APP: variants seen among roughly 807,000 people sequenced by gnomAD.
The protein encoded by APP is amyloid beta precursor protein, also known as amyloid-beta precursor protein.
Under a neutral mutation model 101.4 loss-of-function variants are expected in APP, and 31 were observed. The observed-to-expected ratio is 0.31, with a 90% CI of 0.23 to 0.41. The LOEUF is 0.41. APP is among the 10% of genes least tolerant of loss of function. The pLI, the probability that APP is intolerant of heterozygous loss-of-function variation, is 1.00. For missense variants in APP, 839 were observed against 1,003.7 expected (o/e 0.84, Z 2.22); for synonymous variants, 366 against 364.4 (o/e 1.00, Z -0.05).
Position 26,021,833 on chromosome 21 carries a change from G to T in APP, c.865+7C>A. 6.2e-7 allele frequency: 1 copy of T among 1,612,702 alleles called. No individual in the cohort carries two copies. Among genetic ancestry groups the T allele is most frequent in the Non-Finnish European group, 8.5e-7 (1 of 1,179,948 alleles). On this transcript the variant is annotated splice_region_variant and intron_variant, in intron 6 of 17. Coordinates refer to ENST00000346798, the MANE Select transcript of APP (RefSeq NM_000484.4). ...GGTGGGGGGAATCCAAGCAAATGGT[G>T]GATTACCTCGAACCACCTCTTCCAC...
At chr21:25,972,485 G>A (rs1701009) in intron 11 of APP, among the ~76,000 whole-genome samples, 152,302 of 152,306 alleles carry the variant, frequency 1, 76,149 homozygotes, top group Middle Eastern at 1. Flanking sequence ...GGTATAAAAG[G>A]GACATTTTTG....
intron 3 of APP, among the ~76,000 whole-genome samples, chr21:26,070,236 A>T (rs1161837507): frequency 2.0e-5 from 3 of 152,256 alleles, no homozygotes; most frequent in Non-Finnish European, 4.4e-5. Flanking sequence ...CAGATAAATC[A>T]GAATCTCTCT....
chr21:26,068,366 T>C, intron 3 of APP: 1 of 67,812 alleles, frequency 1.5e-5, no homozygotes, highest in Non-Finnish European at 3.7e-5. Flanking sequence ...ACATTCTCTT[T>C]TTTTTTTTTT....
At chr21:25,989,415 A>G (rs865783694) in intron 8 of APP, among the ~76,000 whole-genome samples, 4 of 152,214 alleles carry the variant, frequency 2.6e-5, no homozygotes, top group African/African-American at 9.7e-5. Flanking sequence ...TGCCCCTATC[A>G]TTTTGATATG....
chr21:25,900,849 C>T (rs1245514103), intron 15 of APP, among the ~76,000 whole-genome samples: 3 of 151,296 alleles, frequency 2.0e-5, no homozygotes, highest in Non-Finnish European at 1.5e-5. Flanking sequence ...ATTAGCCGGA[C>T]GTGGTGGCAG....
In APP at chr21:26,111,960, G is replaced by C. The variant is rs55661697; in HGVS notation, c.225+19C>G. 4.4e-4 allele frequency: 708 copies of C among 1,613,662 alleles called. No individual in the cohort carries two copies. The highest frequency in any genetic ancestry group is 5.7e-4 in the Non-Finnish European group (672 of 1,179,786). On this transcript the variant is annotated intron_variant, in intron 2 of 17. Transcript: ENST00000346798. Reference sequence around the variant, plus strand: ...GCATGTGATCCAACGTGAATTGCTAGCCACCGGACAGGACTTACTTCTTGG... The same window carrying C: ...GCATGTGATCCAACGTGAATTGCTACCCACCGGACAGGACTTACTTCTTGG...
chr21:26,109,642 C>G (rs1043066515), intron 2 of APP, among the ~76,000 whole-genome samples: 1 of 152,150 alleles, frequency 6.6e-6, no homozygotes, highest in African/African-American at 2.4e-5. Context: ...CAGGCTAAGA[C>G]AGAAAGTAAA....
At chr21:25,905,548 A>C (rs533776900) in intron 14 of APP, among the ~76,000 whole-genome samples, 36 of 152,322 alleles carry the variant, frequency 2.4e-4, no homozygotes, top group African/African-American at 7.2e-4. Flanking sequence ...GCAAATATGA[A>C]TTTATCAGGA....
In APP at chr21:26,152,911, G is replaced by A. The variant is rs116486680; in HGVS notation, c.57+17653C>T. 9.9e-3 allele frequency among the ~76,000 whole-genome samples: 1,509 copies of A among 152,302 alleles called. 22 individuals are homozygous for A. Among genetic ancestry groups the A allele is most frequent in the African/African-American group, 0.033 (1,386 of 41,556 alleles). On this transcript the variant is annotated intron_variant, in intron 1 of 17. Coordinates refer to ENST00000346798, the MANE Select transcript of APP (RefSeq NM_000484.4). ...CCAACCTAAGTGGCCACTGACTAAT[G>A]AGAGGATAAAGAAGATGTGGCATAT... is the stretch of plus-strand genomic sequence containing the variant.
chr21:26,088,466 T>G (rs2061748414), intron 3 of APP, among the ~76,000 whole-genome samples: 1 of 152,204 alleles, frequency 6.6e-6, no homozygotes. Flanking sequence ...AAAATATATT[T>G]GGAATACTTC....
chr21:26,061,487 G>A (rs1473786261), intron 3 of APP, among the ~76,000 whole-genome samples: 2 of 152,218 alleles, frequency 1.3e-5, no homozygotes, highest in South Asian at 4.2e-4. Flanking sequence ...TTAACAAATA[G>A]GCTGGGAAAA....
chr21:26,071,638 A>G (rs2061413448), intron 3 of APP, among the ~76,000 whole-genome samples: 1 of 152,240 alleles, frequency 6.6e-6, no homozygotes, highest in South Asian at 2.1e-4. Flanking sequence ...TGAAAGGAAA[A>G]TTACAGTTAG....
chr21:25,926,549 A>G (rs918179499), intron 13 of APP, among the ~76,000 whole-genome samples: 7 of 152,154 alleles, frequency 4.6e-5, no homozygotes, highest in Non-Finnish European at 8.8e-5. Context: ...AATCTTCCTT[A>G]GTGGGATCAC....
Position 26,022,025 on chromosome 21 carries a change from T to G in APP, c.680A>C (p.Glu227Ala). The G allele has an allele frequency of 6.2e-7, 1 of 1,614,162 alleles. No homozygotes were observed. Reference sequence around the variant, plus strand: ...AGCCACTTCTTCCTCCTCTGCTACTTCTACTACTTTGTCTTCACTGTGAAG... The same window carrying G: ...AGCCACTTCTTCCTCCTCTGCTACTGCTACTACTTTGTCTTCACTGTGAAG... ...YADGSEDKVV[E>A]VAEEEEVAEV... is the part of the protein sequence containing the mutation. The change falls in exon 6 of 18, where the codon GAA becomes GCA. Residue 227 changes from glutamate to alanine, a missense_variant. By Grantham distance (107) the Glu-to-Ala change is moderately radical. Transcript: ENST00000346798.
chr21:26,089,006 T>G (rs2061762852), intron 3 of APP, among the ~76,000 whole-genome samples: 1 of 152,240 alleles, frequency 6.6e-6, no homozygotes. Context: ...TCCGGAATCT[T>G]CAGTAAATAT....
intron 3 of APP, among the ~76,000 whole-genome samples, chr21:26,082,979 TA>T (rs2061626553): frequency 6.6e-6 from 1 of 152,266 alleles, no homozygotes; most frequent in African/African-American, 2.4e-5. Flanking sequence ...ATTTAAATAG[TA>T]ATTATTTTAA....
chr21:26,025,945 CACA>C (rs977563579), intron 5 of APP, among the ~76,000 whole-genome samples: 3 of 152,154 alleles, frequency 2.0e-5, no homozygotes, highest in African/African-American at 7.2e-5. Flanking sequence ...GAATGCCAAA[CACA>C]ACAACATTAC....
At chr21:26,037,179 C>A (rs112098591) in intron 5 of APP, among the ~76,000 whole-genome samples, 1 of 151,874 alleles carries the variant, frequency 6.6e-6, no homozygotes, top group Non-Finnish European at 1.5e-5. Context: ...ATTTCATAGA[C>A]GTAAAGAGTA....
chr21:26,061,349 T>C (rs1412416847), intron 3 of APP, among the ~76,000 whole-genome samples: 1 of 152,252 alleles, frequency 6.6e-6, no homozygotes, highest in Non-Finnish European at 1.5e-5. Context: ...GATATGTGTA[T>C]ATGAAAATGA....
Sources: gnomAD v4.1 joint callset for allele counts (sites outside exome capture counted in the v4.1 genomes callset) on GRCh38, gnomAD v4.1.1 for gene constraint, MANE v1.5 for transcripts, NCBI Gene and HGNC (gene_info 2026-07-23, HGNC 2026-07-21) for gene names.